The following DRD2 variants were observed in gnomAD, a reference collection of about 807,000 sequenced individuals.
DRD2 encodes the protein D(2) dopamine receptor.
DRD2 carries 8 observed loss-of-function variants against 38.0 expected under a neutral mutation model. The ratio of observed to expected loss-of-function variants is 0.21; its 90% CI spans 0.12 to 0.38. The LOEUF is 0.38. Among genes scored for constraint, DRD2 ranks in the 10% least tolerant of loss-of-function variants. The pLI is 1.00. For missense variants in DRD2, 403 were observed against 607.7 expected (o/e 0.66, Z 3.54); for synonymous variants, 230 against 238.6 (o/e 0.96, Z 0.33).
chr11:113,454,903 G>A (rs1047695692), intron 1 of DRD2, among the ~76,000 whole-genome samples: 6 of 152,224 alleles, frequency 3.9e-5, no homozygotes, highest in African/African-American at 1.4e-4. Context: ...TCTTCAATGA[G>A]AGGTGTTGGG....
chr11:113,424,253 CT>C, intron 2 of DRD2, 113 bp downstream of exon 2: 3 of 1,224,648 alleles, frequency 2.4e-6, no homozygotes, highest in Non-Finnish European at 2.3e-6. Context: ...GAAAAACCAC[CT>C]GGGGAAGCAC....
rs1565657952 is a variant in DRD2, at chr11:113,410,464, G to A, written c.*263C>T. On this transcript the variant is annotated 3_prime_UTR_variant, in exon 8 of 8. Transcript: ENST00000362072. ...GCCAAGGATAGGGGGACTGGAGGTGGGAGGGGGGACTCTATGAGCTGCCCC... is the reference window on the plus strand; with the variant it reads ...GCCAAGGATAGGGGGACTGGAGGTGAGAGGGGGGACTCTATGAGCTGCCCC... 1 of 567,666 alleles carries A rather than the reference G, an allele frequency of 1.8e-6. No homozygotes were observed. Among genetic ancestry groups the A allele is most frequent in the East Asian group, 3.0e-5 (1 of 33,634 alleles). The allele number at this position is 567,666 out of a possible 1,614,324, so 35.2% of individuals were successfully genotyped here. A position where few individuals can be genotyped will look rare whatever the true frequency, so the allele number is the denominator to read the frequency against.
intron 1 of DRD2, among the ~76,000 whole-genome samples, chr11:113,439,315 G>T (rs75765286): frequency 0.028 from 4,238 of 152,198 alleles, 84 homozygotes; most frequent in Non-Finnish European, 0.044. Context: ...TGACAGTGAC[G>T]GTGCTCCTTT....
At chr11:113,432,985 C>T (rs1257779413) in intron 1 of DRD2, among the ~76,000 whole-genome samples, 1 of 152,186 alleles carries the variant, frequency 6.6e-6, no homozygotes, top group African/African-American at 2.4e-5. Flanking sequence ...TTCCCAAAGC[C>T]CTAGGCCAGG....
At chr11:113,468,317 T>C (rs1951389352) in intron 1 of DRD2, among the ~76,000 whole-genome samples, 1 of 152,172 alleles carries the variant, frequency 6.6e-6, no homozygotes, top group African/African-American at 2.4e-5. Context: ...TTTTAAAGGG[T>C]TTAAATAGGT....
intron 5 of DRD2, 196 bp downstream of exon 5, chr11:113,415,225 C>T (rs1323558328): frequency 7.7e-6 from 4 of 522,458 alleles, no homozygotes; most frequent in Non-Finnish European, 1.3e-5. Context: ...GACCCTGCCT[C>T]CCTCTCCTGG....
chr11:113,425,090 T>C (rs1413254566), intron 1 of DRD2: 4 of 238,138 alleles, frequency 1.7e-5, no homozygotes, highest in East Asian at 1.1e-4. Flanking sequence ...CATTGTTCTA[T>C]ATAGTTCTAG....
intron 1 of DRD2, among the ~76,000 whole-genome samples, chr11:113,454,563 T>C (rs939614709): frequency 6.6e-6 from 1 of 152,098 alleles, no homozygotes; most frequent in African/African-American, 2.4e-5. Flanking sequence ...ATTAGTGCAT[T>C]GTCTGTACTT....
intron 2 of DRD2, among the ~76,000 whole-genome samples, chr11:113,419,686 G>A (rs188217939): frequency 2.6e-4 from 40 of 152,250 alleles, no homozygotes; most frequent in South Asian, 2.3e-3. Context: ...GCCCCCTCCC[G>A]CAACCCGGAG....
chr11:113,440,721 C>T (rs1157334395), intron 1 of DRD2, among the ~76,000 whole-genome samples: 1 of 152,218 alleles, frequency 6.6e-6, no homozygotes, highest in Non-Finnish European at 1.5e-5. Context: ...AGATATTTTA[C>T]TCCAGAGATC....
chr11:113,454,363 A>T (rs996160302), intron 1 of DRD2, among the ~76,000 whole-genome samples: 9 of 151,910 alleles, frequency 5.9e-5, no homozygotes, highest in Non-Finnish European at 1.2e-4. Context: ...GAAAAATAAT[A>T]ATTATTATAT....
chr11:113,465,408 GTTGTTGTTTGT>G (rs1279660789), intron 1 of DRD2, among the ~76,000 whole-genome samples: 2 of 98,648 alleles, frequency 2.0e-5, no homozygotes, highest in East Asian at 4.2e-4. Context: ...TTTTGTTGTT[GTTGTTGTTTGT>G]TTGTTTGTTT....
At chr11:113,461,271 A>G (rs891769005) in intron 1 of DRD2, among the ~76,000 whole-genome samples, 1 of 152,186 alleles carries the variant, frequency 6.6e-6, no homozygotes, top group African/African-American at 2.4e-5. Context: ...AAACTTAATG[A>G]TGGGGCTCCC....
chr11:113,472,444 C>A (rs1216231496), intron 1 of DRD2, among the ~76,000 whole-genome samples: 1 of 152,184 alleles, frequency 6.6e-6, no homozygotes, highest in Non-Finnish European at 1.5e-5. Context: ...AAAGAAAGAA[C>A]AGAAGCGTTT....
chr11:113,466,295 T>C (rs1951368295), intron 1 of DRD2, among the ~76,000 whole-genome samples: 1 of 152,240 alleles, frequency 6.6e-6, no homozygotes, highest in Non-Finnish European at 1.5e-5. Flanking sequence ...AAGTAAGGAC[T>C]AGTCCAATTC....
At chr11:113,471,534 G>C (rs1371297556) in intron 1 of DRD2, among the ~76,000 whole-genome samples, 1 of 152,188 alleles carries the variant, frequency 6.6e-6, no homozygotes, top group Non-Finnish European at 1.5e-5. Context: ...AAAGGAGGGT[G>C]CCTGCTGAGA....
intron 1 of DRD2, among the ~76,000 whole-genome samples, chr11:113,467,938 G>C (rs992797277): frequency 6.6e-6 from 1 of 152,196 alleles, no homozygotes; most frequent in Admixed American, 6.5e-5. Flanking sequence ...CTTGAATTTT[G>C]TGAACGTTTT....
chr11:113,450,409 T>G (rs1951200174), intron 1 of DRD2, among the ~76,000 whole-genome samples: 1 of 152,206 alleles, frequency 6.6e-6, no homozygotes, highest in African/African-American at 2.4e-5. Context: ...CAGAGAGGCT[T>G]CTCTATTTGC....
In DRD2 at chr11:113,414,469, G is replaced by T. The variant is rs1004475404; in HGVS notation, c.724-8C>A. On this transcript the variant is annotated splice_region_variant and splice_polypyrimidine_tract_variant and intron_variant, in intron 5 of 7. Transcript: ENST00000362072. ...GGGGTGAGTACAGTTGCCCTGTGGAGTGAGCCAGCACATGGGTCACACAAA... is the reference window on the plus strand; with the variant it reads ...GGGGTGAGTACAGTTGCCCTGTGGATTGAGCCAGCACATGGGTCACACAAA... The T allele has an allele frequency of 6.2e-7, 1 of 1,614,174 alleles. No homozygotes were observed. Among genetic ancestry groups the T allele is most frequent in the South Asian group, 1.1e-5 (1 of 91,084 alleles).
Sources: gnomAD v4.1 joint callset for allele counts (sites outside exome capture counted in the v4.1 genomes callset) on GRCh38, gnomAD v4.1.1 for gene constraint, MANE v1.5 for transcripts, NCBI Gene and HGNC (gene_info 2026-07-23, HGNC 2026-07-21) for gene names.